Variants in YTHDC2 observed in about 807,000 individuals in gnomAD.
YTHDC2 encodes the protein 3'-5' RNA helicase YTHDC2.
A neutral mutation model predicts 174.9 loss-of-function variants in YTHDC2; 45 were observed. The ratio of observed to expected loss-of-function variants is 0.26; its 90% CI spans 0.20 to 0.33. YTHDC2 has a LOEUF of 0.33. Ranked by LOEUF, YTHDC2 falls within the 10% of genes least tolerant of loss-of-function variation. The pLI is 1.00. For synonymous variants in YTHDC2, 657 were observed against 574.5 expected (o/e 1.14, Z -2.05); for missense variants, 1,650 against 1,723.7 (o/e 0.96, Z 0.76).
chr5:113,558,658 G>A (rs1030806430), intron 17 of YTHDC2, among the ~76,000 whole-genome samples: 1 of 152,030 alleles, frequency 6.6e-6, no homozygotes, highest in Non-Finnish European at 1.5e-5. Context: ...AGTTTGAGTT[G>A]CCTGTAGAAA....
rs60871281 is a variant in YTHDC2 at position 113,553,368 on chromosome 5, G to A, written c.1867+9G>A. The A allele has an allele frequency of 0.21, 336,395 of 1,582,744 alleles. 42,978 individuals are homozygous for A. Among genetic ancestry groups the A allele is most frequent in the African/African-American group, 0.56 (41,002 of 72,868 alleles). On this transcript the variant is annotated intron_variant, in intron 13 of 29. Transcript: ENST00000161863. ...CCATAGTTGTGATGCTGGTAAATAC[G>A]TGTTGTCTAAAAGAACTGGAGCAAA...
chr5:113,538,842 C>A (rs1216100883), intron 7 of YTHDC2, among the ~76,000 whole-genome samples: 4 of 152,086 alleles, frequency 2.6e-5, no homozygotes, highest in African/African-American at 9.7e-5. Flanking sequence ...ATGCCAGACA[C>A]ATGATAAGTA....
At chr5:113,529,640 CTCT>C (rs1774516711) in intron 4 of YTHDC2, among the ~76,000 whole-genome samples, 1 of 151,694 alleles carries the variant, frequency 6.6e-6, no homozygotes, top group African/African-American at 2.4e-5. Context: ...TTTTATTTGC[CTCT>C]TATCTGTTTA....
chr5:113,539,955 G>T (rs34514665), intron 8 of YTHDC2, among the ~76,000 whole-genome samples: 44,432 of 151,974 alleles, frequency 0.29, 7,961 homozygotes, highest in African/African-American at 0.49. Flanking sequence ...AGGCTGGAGT[G>T]CATTGGTGCA....
At chr5:113,553,740 T>TCCGAAAGACA in intron 14 of YTHDC2, 27 bp from the exon 15 acceptor site, 1 of 1,612,178 alleles carries the variant, frequency 6.2e-7, no homozygotes, top group Non-Finnish European at 8.5e-7. Flanking sequence ...GGTCTTATAG[T>TCCGAAAGACA]ATGTTTTCTC....
Position 113,513,771 on chromosome 5 carries a change from T to G in YTHDC2, c.-125T>G. ...GGTGACTGAGGCCTTTCTGGTGACCTCAGCCCAACACAGGCCGTCTCCGGA... is the reference window on the plus strand; with the variant it reads ...GGTGACTGAGGCCTTTCTGGTGACCGCAGCCCAACACAGGCCGTCTCCGGA... On this transcript the variant is annotated 5_prime_UTR_variant, in exon 1 of 30. Coordinates refer to ENST00000161863, the MANE Select transcript of YTHDC2 (RefSeq NM_022828.5). 9.1e-7 allele frequency: 1 copy of G among 1,095,498 alleles called. No individual in the cohort carries two copies. The highest frequency in any genetic ancestry group is 1.2e-6 in the Non-Finnish European group (1 of 801,386). The allele number at this position is 1,095,498 out of a possible 1,614,324, so 67.9% of individuals were successfully genotyped here.
intron 8 of YTHDC2, among the ~76,000 whole-genome samples, chr5:113,540,234 C>T (rs1032107278): frequency 2.0e-5 from 3 of 152,088 alleles, no homozygotes; most frequent in African/African-American, 4.8e-5. Context: ...AGAAAACTAG[C>T]GTGGTGGTAG....
At chr5:113,521,031 G>C (rs1235711686) in intron 2 of YTHDC2, among the ~76,000 whole-genome samples, 1 of 152,162 alleles carries the variant, frequency 6.6e-6, no homozygotes, top group Non-Finnish European at 1.5e-5. Context: ...TTCTGTTCTT[G>C]GGTTAGTTTG....
rs147006688 is a variant in YTHDC2, at chr5:113,567,555, A to G, written c.3049-99A>G. 4.6e-5 allele frequency: 50 copies of G among 1,076,072 alleles called. No homozygotes were observed. The Middle Eastern group carries it at 8.0e-4, about 17-fold the overall frequency. 66.7% of individuals were successfully genotyped at this position (1,076,072 alleles called of 1,614,324 possible). On this transcript the variant is annotated intron_variant, in intron 22 of 29. Coordinates refer to ENST00000161863, the MANE Select transcript of YTHDC2 (RefSeq NM_022828.5). ...AATTTTTGCTTACGTACTAATATAC[A>G]TCATCTATTTCATTGAGAGACTTTA... is the stretch of plus-strand genomic sequence containing the variant.
At chr5:113,534,142 A>G (rs988668269) in intron 5 of YTHDC2, among the ~76,000 whole-genome samples, 163 bp from the exon 6 acceptor site, 3 of 152,222 alleles carry the variant, frequency 2.0e-5, no homozygotes, top group African/African-American at 7.2e-5. Flanking sequence ...AGGCAGTCTC[A>G]CATAACTGCA....
chr5:113,563,571 T>A (rs530393504), intron 19 of YTHDC2, 79 bp downstream of exon 19: 1 of 1,427,130 alleles, frequency 7.0e-7, no homozygotes, highest in South Asian at 1.5e-5. Flanking sequence ...TCTTAACTAA[T>A]TTTGTATAAT....
intron 26 of YTHDC2, among the ~76,000 whole-genome samples, chr5:113,588,686 G>T (rs1010672668): frequency 6.6e-6 from 1 of 151,588 alleles, no homozygotes; most frequent in Non-Finnish European, 1.5e-5. Flanking sequence ...GCAGTGGCGC[G>T]ATCTCGGCTC....
chr5:113,542,193 A>G (rs887725193), intron 9 of YTHDC2, among the ~76,000 whole-genome samples, 175 bp from the exon 10 acceptor site: 4 of 152,246 alleles, frequency 2.6e-5, no homozygotes, highest in African/African-American at 7.2e-5. Context: ...TAAGGACTAG[A>G]TACTGTATTG....
intron 4 of YTHDC2, among the ~76,000 whole-genome samples, chr5:113,529,293 C>G (rs1245020260): frequency 6.6e-6 from 1 of 152,044 alleles, no homozygotes; most frequent in Non-Finnish European, 1.5e-5. Flanking sequence ...GTTAACATGG[C>G]TAAGAAGTGA....
chr5:113,526,820 AAAAAAAATATATAT>A, intron 4 of YTHDC2, 35 bp downstream of exon 4: 2 of 400,232 alleles, frequency 5.0e-6, no homozygotes, highest in Non-Finnish European at 7.2e-6. Flanking sequence ...AGAAAAAAAA[AAAAAAAATATATAT>A]ATATATATAT....
rs1276116071 is a variant in YTHDC2, at chr5:113,566,036, A to G, written c.2842+17A>G. The G allele has an allele frequency of 3.1e-6, 5 of 1,591,828 alleles. No homozygotes were observed. The highest frequency in any genetic ancestry group is 4.3e-6 in the Non-Finnish European group (5 of 1,169,910). On this transcript the variant is annotated intron_variant, in intron 21 of 29. Transcript: ENST00000161863. ...GAGCATCAGGTAAAGTTTTTCCCTC[A>G]AAGAGCCTATTTAAGTTACTGAGAG...
At chr5:113,553,386 G>A in intron 13 of YTHDC2, 27 bp downstream of exon 13, 2 of 1,569,268 alleles carry the variant, frequency 1.3e-6, no homozygotes, top group Non-Finnish European at 1.7e-6. Flanking sequence ...TAAAAGAACT[G>A]GAGCAAAATA....
At chr5:113,542,561 G>A in intron 10 of YTHDC2, 58 bp downstream of exon 10, 1 of 1,498,348 alleles carries the variant, frequency 6.7e-7, no homozygotes, top group Non-Finnish European at 9.0e-7. Flanking sequence ...TGGAAGTATA[G>A]TTTAATTCAA....
At chr5:113,526,531 C>T (rs1774248974) in intron 3 of YTHDC2, 55 bp from the exon 4 acceptor site, 3 of 1,409,918 alleles carry the variant, frequency 2.1e-6, no homozygotes, top group Non-Finnish European at 2.8e-6. Flanking sequence ...TTATTTTTAA[C>T]ACTTCTTTTT....
Sources: allele counts gnomAD v4.1 joint callset (sites outside exome capture counted in the v4.1 genomes callset), GRCh38; gene constraint gnomAD v4.1.1; transcripts MANE v1.5; gene names NCBI Gene and HGNC (gene_info 2026-07-23, HGNC 2026-07-21).